CCDC88A: variants seen among roughly 807,000 people sequenced by gnomAD.
The protein encoded by CCDC88A is girdin.
CCDC88A carries 54 observed loss-of-function variants against 234.3 expected under a neutral mutation model. That is an observed-to-expected ratio of 0.23 (90% confidence interval 0.19 to 0.29). The LOEUF (loss-of-function observed/expected upper bound fraction) is 0.29, where lower values mean the gene tolerates loss of function less well. CCDC88A is among the 10% of genes least tolerant of loss of function. CCDC88A has a pLI of 1.00. For synonymous variants in CCDC88A, 753 were observed against 737.8 expected (o/e 1.02, Z -0.33); for missense variants, 1,832 against 2,123.4 (o/e 0.86, Z 2.70).
At chr2:55,378,889 G>C (rs1049161682) in intron 3 of CCDC88A, among the ~76,000 whole-genome samples, 2 of 152,016 alleles carry the variant, frequency 1.3e-5, no homozygotes, top group Non-Finnish European at 2.9e-5. Context: ...GGAATTACAG[G>C]TGCCCGCCAC....
intron 2 of CCDC88A, among the ~76,000 whole-genome samples, chr2:55,415,207 C>G (rs1380016821): frequency 1.3e-5 from 2 of 152,028 alleles, no homozygotes; most frequent in Admixed American, 1.3e-4. Context: ...CCCAACTACT[C>G]AGATGTTTAG....
intron 2 of CCDC88A, among the ~76,000 whole-genome samples, chr2:55,399,511 A>G (rs1024984195): frequency 6.7e-6 from 1 of 149,460 alleles, no homozygotes; most frequent in African/African-American, 2.5e-5. Flanking sequence ...TGGGCGACAG[A>G]ATGAGACTCT....
At chr2:55,327,642 A>G (rs1684433417) in intron 17 of CCDC88A, among the ~76,000 whole-genome samples, 1 of 152,246 alleles carries the variant, frequency 6.6e-6, no homozygotes, top group Non-Finnish European at 1.5e-5. Context: ...GTTAACCTTG[A>G]GACCACTCCT....
intron 3 of CCDC88A, among the ~76,000 whole-genome samples, chr2:55,381,045 T>G (rs1389515991): frequency 1.3e-5 from 2 of 152,196 alleles, no homozygotes; most frequent in African/African-American, 4.8e-5. Flanking sequence ...TAAAACCATA[T>G]TTTTACTATA....
chr2:55,308,224 C>T (rs1255799521), intron 25 of CCDC88A: 4 of 152,586 alleles, frequency 2.6e-5, no homozygotes, highest in Admixed American at 6.5e-5. Flanking sequence ...GGTGTGCCAC[C>T]GTGCCCGCCA....
intron 2 of CCDC88A, among the ~76,000 whole-genome samples, chr2:55,389,715 G>A (rs891633773): frequency 4.0e-5 from 6 of 151,770 alleles, no homozygotes; most frequent in African/African-American, 1.5e-4. Flanking sequence ...TGATGTTGTG[G>A]GCTATCTTTA....
intron 2 of CCDC88A, among the ~76,000 whole-genome samples, chr2:55,411,310 T>C (rs1318988524): frequency 6.6e-6 from 1 of 152,020 alleles, no homozygotes; most frequent in Non-Finnish European, 1.5e-5. Flanking sequence ...TAAGAGAAAA[T>C]TTTCAGTTAA....
chr2:55,365,299 C>T (rs911406309), intron 5 of CCDC88A, among the ~76,000 whole-genome samples: 9 of 152,006 alleles, frequency 5.9e-5, no homozygotes, highest in African/African-American at 4.8e-5. Flanking sequence ...TTAAGAATTA[C>T]GTTCTAATCA....
chr2:55,305,304 C>T (rs11892007), intron 25 of CCDC88A, among the ~76,000 whole-genome samples: 23,608 of 152,152 alleles, frequency 0.16, 5,047 homozygotes, highest in African/African-American at 0.48. Context: ...AGTTTGTATA[C>T]ATACAATGTT....
intron 17 of CCDC88A, among the ~76,000 whole-genome samples, chr2:55,326,772 T>C (rs1309690850): frequency 6.6e-6 from 1 of 152,174 alleles, no homozygotes; most frequent in Non-Finnish European, 1.5e-5. Context: ...GGTTTCACCA[T>C]GTCAGCAAGG....
At chr2:55,374,439 T>C (rs1489342915) in intron 4 of CCDC88A, among the ~76,000 whole-genome samples, 1 of 152,158 alleles carries the variant, frequency 6.6e-6, no homozygotes, top group Non-Finnish European at 1.5e-5. Flanking sequence ...TTGGCAATGG[T>C]AGATAGTAGA....
At chr2:55,294,337 A>G in intron 31 of CCDC88A, 1 of 983,836 alleles carries the variant, frequency 1.0e-6, no homozygotes, top group Non-Finnish European at 1.2e-6. Context: ...AACAATAAAT[A>G]CAAATGTTCC....
In CCDC88A at chr2:55,419,116, A is replaced by G; in HGVS notation, c.-37T>C. 8.0e-7 allele frequency: 1 copy of G among 1,249,830 alleles called. No individual in the cohort carries two copies. Among genetic ancestry groups the G allele is most frequent in the Non-Finnish European group, 1.2e-6 (1 of 853,514 alleles). 77.4% of individuals were successfully genotyped at this position (1,249,830 alleles called of 1,614,324 possible). ...TGTATTTGAAAAAAGGAACTACCAC[A>G]AAAATACGCCTAGGGAATTGGTCAC... On this transcript the variant is annotated 5_prime_UTR_variant, in exon 1 of 33. Coordinates refer to ENST00000436346, the MANE Select transcript of CCDC88A (RefSeq NM_001365480.1).
At chr2:55,361,030 G>A (rs1053977792) in intron 7 of CCDC88A, among the ~76,000 whole-genome samples, 3 of 151,838 alleles carry the variant, frequency 2.0e-5, no homozygotes, top group African/African-American at 7.3e-5. Context: ...GGGTTGCAGT[G>A]AGCCGAGACC....
At chr2:55,396,869 CAAAAA>C (rs34500780) in intron 2 of CCDC88A, among the ~76,000 whole-genome samples, 1 of 58,878 alleles carries the variant, frequency 1.7e-5, no homozygotes, top group Non-Finnish European at 3.0e-5. Context: ...GACTCCATCT[CAAAAA>C]AAAAAAAAAA....
rs1311922974 is a variant in CCDC88A, at chr2:55,343,703, T to C, written c.1278A>G (p.Ser426=). ...GTTCCAGTTCCCAGCCAAGATGTAA[T>C]GATTCATCCATACTTTGTTTCTGTG... is the stretch of plus-strand genomic sequence containing the variant. ...EMAQKQSMDE[S]LHLGWELEQI... Residue 426 remains serine, a synonymous_variant, in exon 12 of 33, where the codon TCA becomes TCG. Transcript: ENST00000436346. The C allele has an allele frequency of 6.2e-7, 1 of 1,612,252 alleles. No homozygotes were observed. Among genetic ancestry groups the C allele is most frequent in the Non-Finnish European group, 8.5e-7 (1 of 1,178,882 alleles).
chr2:55,301,797 T>C lies in CCDC88A; in HGVS notation c.4672+75A>G, dbSNP rs1680930642. The C allele has an allele frequency of 4.7e-6, 6 of 1,277,238 alleles. No individual in the cohort carries two copies. In the South Asian group the frequency reaches 6.1e-5, roughly 13 times the overall value. 79.1% of individuals were successfully genotyped at this position (1,277,238 alleles called of 1,614,324 possible). ...TTTCAGGTTGCTGCTTTTTAAAAAGTACACAGGGAAAAGTCAAATTAAAAT... is the reference window on the plus strand; with the variant it reads ...TTTCAGGTTGCTGCTTTTTAAAAAGCACACAGGGAAAAGTCAAATTAAAAT... On this transcript the variant is annotated intron_variant, in intron 27 of 32. Coordinates refer to ENST00000436346, the MANE Select transcript of CCDC88A (RefSeq NM_001365480.1).
In CCDC88A at chr2:55,291,070, T is replaced by C. The variant is rs1679408265; in HGVS notation, c.*130A>G. The C allele has an allele frequency of 6.6e-6, 1 of 152,532 alleles. No homozygotes were observed. The highest frequency in any genetic ancestry group is 1.5e-5 in the Non-Finnish European group (1 of 67,950). 9.4% of individuals were successfully genotyped at this position (152,532 alleles called of 1,614,324 possible). A position where few individuals can be genotyped will look rare whatever the true frequency, so the allele number is the denominator to read the frequency against. ...CACGAAGGACTGTTAAAAGTCTCCTTAAAGATTTTTAAAAATGATTCCTAT... is the reference window on the plus strand; with the variant it reads ...CACGAAGGACTGTTAAAAGTCTCCTCAAAGATTTTTAAAAATGATTCCTAT... On this transcript the variant is annotated 3_prime_UTR_variant, in exon 33 of 33. Transcript: ENST00000436346.
intron 3 of CCDC88A, among the ~76,000 whole-genome samples, chr2:55,379,456 G>A (rs1674221353): frequency 6.6e-6 from 1 of 151,874 alleles, no homozygotes; most frequent in South Asian, 2.1e-4. Context: ...GAAAATCAGG[G>A]CAGTCATTTA....
Sources: allele counts gnomAD v4.1 joint callset (sites outside exome capture counted in the v4.1 genomes callset), GRCh38; gene constraint gnomAD v4.1.1; transcripts MANE v1.5; gene names NCBI Gene and HGNC (gene_info 2026-07-23, HGNC 2026-07-21).